PCDHGB3: variants seen among roughly 807,000 people sequenced by gnomAD.
The protein encoded by PCDHGB3 is protocadherin gamma subfamily B, 3, also known as protocadherin gamma-B3.
PCDHGB3 carries 40 observed loss-of-function variants against 59.2 expected under a neutral mutation model. The observed-to-expected ratio is 0.68, with a 90% CI of 0.52 to 0.88. The LOEUF is 0.88. Ranked by LOEUF, PCDHGB3 falls within the 40% of genes least tolerant of loss-of-function variation. The pLI, the probability that PCDHGB3 is intolerant of heterozygous loss-of-function variation, is 0.00. For missense variants in PCDHGB3, 1,309 were observed against 1,187.9 expected, an observed-to-expected ratio of 1.10 and a Z score of -1.50; for synonymous variants, 581 against 503.6, an observed-to-expected ratio of 1.15 and a Z score of -2.06.
At chr5:141,510,139 G>T (rs931012964) in intron 3 of PCDHGB3, among the ~76,000 whole-genome samples, 1 of 152,136 alleles carries the variant, frequency 6.6e-6, no homozygotes, top group Non-Finnish European at 1.5e-5. Context: ...CTGGGCTAGT[G>T]GTGTGCACCT....
rs1431906047 is a variant in PCDHGB3, at chr5:141,485,858, C to T, written c.2416-8949C>T. On this transcript the variant is annotated intron_variant, in intron 1 of 3. Transcript: ENST00000576222. This position sits in a 1 kb window ranked among gnomAD's most constrained non-coding sequence, Gnocchi z 5.7. ...GCCGAGATCTGGCACCGCAGAGCTC[C>T]GGGTATCCGTGCTGGACGTAAACGA... The T allele has an allele frequency of 1.9e-6, 3 of 1,614,162 alleles. No individual in the cohort carries two copies. The highest frequency in any genetic ancestry group is 2.5e-6 in the Non-Finnish European group (3 of 1,180,028).
In PCDHGB3 at chr5:141,486,030, C is replaced by T. The variant is rs2099623234; in HGVS notation, c.2416-8777C>T. 2 of 1,614,046 alleles carry T rather than the reference C, an allele frequency of 1.2e-6. No homozygotes were observed. Among genetic ancestry groups the T allele is most frequent in the African/African-American group, 1.3e-5 (1 of 74,918 alleles). On this transcript the variant is annotated intron_variant, in intron 1 of 3. Coordinates refer to ENST00000576222, the MANE Select transcript of PCDHGB3 (RefSeq NM_018924.5). This position sits in a 1 kb window ranked among gnomAD's most constrained non-coding sequence, Gnocchi z 5.0. ...ACCTTTTATTTCAGTGGTCATACCC[C>T]TGATCGTGTAAGAAACCTCTTTAGC...
intron 1 of PCDHGB3, chr5:141,441,653 G>T: frequency 4.1e-6 from 1 of 243,884 alleles, no homozygotes; most frequent in Non-Finnish European, 8.2e-6. Context: ...GATTCTAGGT[G>T]TCCTTGAGCG....
intron 1 of PCDHGB3, chr5:141,383,556 C>A: frequency 6.2e-7 from 1 of 1,612,766 alleles, no homozygotes; most frequent in Non-Finnish European, 8.5e-7. Context: ...ATGGCGGCGA[C>A]CCGCCCCGAT....
At chr5:141,453,351 C>A (rs1210851703) in intron 1 of PCDHGB3, among the ~76,000 whole-genome samples, 2 of 151,738 alleles carry the variant, frequency 1.3e-5, no homozygotes, top group Non-Finnish European at 2.9e-5. Flanking sequence ...CCAGGCTGAC[C>A]CTGAACTCCT....
chr5:141,473,053 TACA>T (rs1452453123), intron 1 of PCDHGB3, among the ~76,000 whole-genome samples: 1 of 150,200 alleles, frequency 6.7e-6, no homozygotes, highest in Non-Finnish European at 1.5e-5. Flanking sequence ...AAAGAAGTGA[TACA>T]ACAAGTTACA....
At chr5:141,428,448 T>C in intron 1 of PCDHGB3, 12 of 375,612 alleles carry the variant, frequency 3.2e-5, no homozygotes, top group South Asian at 2.4e-4. Flanking sequence ...CAGGGGTTTT[T>C]CCCAACTACA....
chr5:141,422,074 C>T (rs886758924), intron 1 of PCDHGB3: 8 of 1,612,146 alleles, frequency 5.0e-6, no homozygotes, highest in African/African-American at 4.0e-5. Context: ...GTATTCATTT[C>T]GGAACATGGA....
chr5:141,409,628 G>T (rs367728235), intron 1 of PCDHGB3: 1 of 1,613,848 alleles, frequency 6.2e-7, no homozygotes. Flanking sequence ...GCAAGTGAGC[G>T]CCTCTGACCC....
At position 141,374,696 on chromosome 5, in the gene PCDHGB3, G is replaced by A. The variant is rs747520978; in HGVS notation, c.2415+1887G>A. 5 of 1,609,314 alleles carry A rather than the reference G, an allele frequency of 3.1e-6. No homozygotes were observed. In the African/African-American group the frequency reaches 6.7e-5, roughly 21 times the overall value. ...GGAGGGCACACTGGACCGGGAAGGA[G>A]AAGCCGTTTACCGCCTGGTCCTTAC... On this transcript the variant is annotated intron_variant, in intron 1 of 3. Coordinates refer to ENST00000576222, the MANE Select transcript of PCDHGB3 (RefSeq NM_018924.5).
chr5:141,442,650 G>A (rs192694987), intron 1 of PCDHGB3, among the ~76,000 whole-genome samples: 83 of 152,350 alleles, frequency 5.4e-4, no homozygotes, highest in Admixed American at 9.1e-4. Flanking sequence ...CCTAAGATGA[G>A]AAATATTTGG....
intron 3 of PCDHGB3, 149 bp downstream of exon 3, chr5:141,505,630 A>G (rs558394591): frequency 4.7e-5 from 69 of 1,480,262 alleles, no homozygotes; most frequent in Admixed American, 2.2e-5. Flanking sequence ...AATTCCAAAC[A>G]TAAAGCCTGG....
chr5:141,408,965 C>T lies in PCDHGB3; in HGVS notation c.2415+36156C>T, dbSNP rs767484272. The T allele has an allele frequency of 1.5e-5, 25 of 1,613,688 alleles. No homozygotes were observed. The Admixed American group carries it at 4.2e-4, about 27-fold the overall frequency. On this transcript the variant is annotated intron_variant, in intron 1 of 3. Transcript: ENST00000576222. ...ATATAGAATTAGTCTTAGTGAAAATCTGCCCCCTGGGTCCCCTGTGTTGCA... is the reference window on the plus strand; with the variant it reads ...ATATAGAATTAGTCTTAGTGAAAATTTGCCCCCTGGGTCCCCTGTGTTGCA...
intron 1 of PCDHGB3, among the ~76,000 whole-genome samples, chr5:141,438,149 A>G (rs1441404688): frequency 6.6e-6 from 1 of 152,220 alleles, no homozygotes; most frequent in African/African-American, 2.4e-5. Context: ...TAGCCAGCCT[A>G]TGGCAAAGCT....
At chr5:141,465,945 AC>A (rs761290693) in intron 1 of PCDHGB3, among the ~76,000 whole-genome samples, 7 of 151,958 alleles carry the variant, frequency 4.6e-5, no homozygotes, top group Non-Finnish European at 5.9e-5. Context: ...ACATGGTGAA[AC>A]CCCATCTCTA....
At position 141,489,505 on chromosome 5, in the gene PCDHGB3, A is replaced by G. The variant is rs1198371307; in HGVS notation, c.2416-5302A>G. On this transcript the variant is annotated intron_variant, in intron 1 of 3. Transcript: ENST00000576222. The surrounding 1 kb of genome is among the most constrained non-coding windows in gnomAD (Gnocchi z 4.5). ...GAGTGGTGCCCTGGCAGTGAATCAA[A>G]AGATTGACCGAGAAAGCCTATGTGG... The G allele has an allele frequency of 1.9e-6, 3 of 1,613,972 alleles. No homozygotes were observed. The Admixed American group carries it at 5.0e-5, about 27-fold the overall frequency.
intron 1 of PCDHGB3, chr5:141,413,798 AAG>A (rs914638812): frequency 2.7e-5 from 44 of 1,613,066 alleles, no homozygotes; most frequent in Non-Finnish European, 3.5e-5. Context: ...GATCGCGAGG[AAG>A]AGGCCATTCA....
intron 1 of PCDHGB3, among the ~76,000 whole-genome samples, chr5:141,425,485 A>G (rs2096878362): frequency 6.6e-6 from 1 of 152,274 alleles, no homozygotes; most frequent in Non-Finnish European, 1.5e-5. Context: ...ATGGCAACCT[A>G]CTAGGCTATA....
intron 1 of PCDHGB3, among the ~76,000 whole-genome samples, chr5:141,451,571 A>G (rs2098719323): frequency 6.6e-6 from 1 of 152,188 alleles, no homozygotes; most frequent in Non-Finnish European, 1.5e-5. Context: ...CAATCTTTTT[A>G]TAAACCTAAT....
Sources: allele counts gnomAD v4.1 joint callset (sites outside exome capture counted in the v4.1 genomes callset), GRCh38; gene constraint gnomAD v4.1.1; non-coding constraint Gnocchi (gnomAD v3.1); transcripts MANE v1.5; gene names NCBI Gene and HGNC (gene_info 2026-07-23, HGNC 2026-07-21).